The following ROBO3 variants were observed in gnomAD, a reference collection of about 807,000 sequenced individuals.
ROBO3 encodes roundabout homolog 3.
ROBO3 carries 97 observed loss-of-function variants against 160.5 expected under a neutral mutation model. The observed-to-expected ratio is 0.60, with a 90% CI of 0.51 to 0.72. The LOEUF is 0.72. Among genes scored for constraint, ROBO3 ranks in the 30% least tolerant of loss-of-function variants. ROBO3 has a pLI of 0.00. For synonymous variants in ROBO3, 780 were observed against 746.2 expected (o/e 1.05, Z -0.74); for missense variants, 1,858 against 1,846.5 (o/e 1.01, Z -0.11).
chr11:124,869,464 T>C lies in ROBO3; in HGVS notation c.502T>C (p.Phe168Leu). ...SLEVAVLRDDFRQSPGNVVVA... is the reference protein window; with the variant it reads ...SLEVAVLRDDLRQSPGNVVVA... ...GCCCCGCCCAGTCCTCCGTGATGAT[T>C]TCCGGCAGTCTCCTGGAAACGTGGT... Residue 168 changes from phenylalanine to leucine, a missense_variant, in exon 3 of 28, where the codon TTC becomes CTC. By Grantham distance (22) the Phe-to-Leu change is conservative (BLOSUM62 0). Transcript: ENST00000397801. The surrounding 1 kb of genome is among the most constrained non-coding windows in gnomAD (Gnocchi z 4.2). The C allele has an allele frequency of 4.0e-6, 6 of 1,499,792 alleles. No individual in the cohort carries two copies. Among genetic ancestry groups the C allele is most frequent in the Non-Finnish European group, 4.5e-6 (5 of 1,107,812 alleles). The allele number at this position is 1,499,792 out of a possible 1,614,324, so 92.9% of individuals were successfully genotyped here. A position where few individuals can be genotyped will look rare whatever the true frequency, so the allele number is the denominator to read the frequency against.
Position 124,878,118 on chromosome 11 carries a change from C to T in ROBO3, c.3168C>T (p.Ser1056=). ...GCCAGTACGCTCCTCCAGAGTGGAG[C>T]CAGGGGGACAGTGGTATGACTCCAA... The part of the protein sequence containing the change: ...PWSQYAPPEW[S]QGDSGAKGGK... The change falls in exon 21 of 28, where the codon AGC becomes AGT. Residue 1056 remains serine, a synonymous_variant. Transcript: ENST00000397801. This position sits in a 1 kb window ranked among gnomAD's most constrained non-coding sequence, Gnocchi z 4.3. 6.2e-7 allele frequency: 1 copy of T among 1,606,672 alleles called. No homozygotes were observed. Among genetic ancestry groups the T allele is most frequent in the South Asian group, 1.1e-5 (1 of 90,274 alleles).
chr11:124,876,386 G>T lies in ROBO3; in HGVS notation c.2705G>T (p.Gly902Val), dbSNP rs763076148. ...AFLAGSGAACGALLLGLCAAL... is the reference protein window; with the variant it reads ...AFLAGSGAACVALLLGLCAAL... Reference sequence around the variant, plus strand: ...CTCGCGGGCAGCGGCGCAGCCTGCGGGGCGCTGCTTCTCGGGCTCTGCGCC... The same window carrying T: ...CTCGCGGGCAGCGGCGCAGCCTGCGTGGCGCTGCTTCTCGGGCTCTGCGCC... The change falls in exon 17 of 28, where the codon GGG (glycine) becomes GTG (valine). Residue 902 changes from glycine to valine, a missense_variant. By Grantham distance (109) the Gly-to-Val change is moderately radical. Transcript: ENST00000397801. This position sits in a 1 kb window ranked among gnomAD's most constrained non-coding sequence, Gnocchi z 5.3. 1 of 1,450,010 alleles carries T rather than the reference G, an allele frequency of 6.9e-7. No homozygotes were observed. The highest frequency in any genetic ancestry group is 9.0e-7 in the Non-Finnish European group (1 of 1,108,422). The allele number at this position is 1,450,010 out of a possible 1,614,324, so 89.8% of individuals were successfully genotyped here.
At position 124,877,953 on chromosome 11, in the gene ROBO3, G is replaced by A. The variant is rs1946440642; in HGVS notation, c.3003G>A (p.Leu1001=). 2 of 1,606,388 alleles carry A rather than the reference G, an allele frequency of 1.2e-6. No individual in the cohort carries two copies. Among genetic ancestry groups the A allele is most frequent in the Non-Finnish European group, 1.7e-6 (2 of 1,175,968 alleles). Residue 1001 remains leucine, a synonymous_variant, in exon 21 of 28, where the codon CTG becomes CTA. Coordinates refer to ENST00000397801, the MANE Select transcript of ROBO3 (RefSeq NM_022370.4). ...DRYYNEAGIS[L]YLAQTARGTA... is the part of the protein sequence containing the mutation. ...TCTCTGCAGAAGCGGGAATCTCCCT[G>A]TATCTAGCTCAGACGGCCAGGGGCA...
intron 11 of ROBO3, 48 bp from the exon 12 acceptor site, chr11:124,874,022 T>G (rs377367601): frequency 6.2e-7 from 1 of 1,609,816 alleles, no homozygotes; most frequent in Non-Finnish European, 8.5e-7. Flanking sequence ...AGTAGGCAGG[T>G]TGGGAGTTCC....
chr11:124,881,052 T>TCAAA (rs568014870), intron 27 of ROBO3, among the ~76,000 whole-genome samples, 187 bp from the exon 28 acceptor site: 2 of 152,098 alleles, frequency 1.3e-5, no homozygotes, highest in Non-Finnish European at 1.5e-5. Context: ...AGACTCTGTC[T>TCAAA]CAAACAAACA....
intron 27 of ROBO3, 67 bp from the exon 28 acceptor site, chr11:124,881,172 G>A (rs1946573256): frequency 1.1e-5 from 16 of 1,521,320 alleles, no homozygotes; most frequent in Non-Finnish European, 1.4e-5. Flanking sequence ...GAAAGCCTGA[G>A]CCCTTCCTGG....
In ROBO3 at chr11:124,874,153, C is replaced by A. The variant is rs754835720; in HGVS notation, c.1868C>A (p.Thr623Asn). The A allele has an allele frequency of 9.3e-6, 15 of 1,613,952 alleles. No homozygotes were observed. In the Middle Eastern group the frequency reaches 8.2e-4, roughly 89 times the overall value. Residue 623 changes from threonine to asparagine, a missense_variant, in exon 12 of 28, where the codon ACC (threonine) becomes AAC (asparagine). Physicochemically the swap from Thr to Asn is moderately conservative, Grantham distance 65. Coordinates refer to ENST00000397801, the MANE Select transcript of ROBO3 (RefSeq NM_022370.4). ...THTVSGLQPN[T>N]IYLFLVRAVG... ...ACAGTCAGCGGTCTGCAGCCCAATA[C>A]CATCTACCTGTTTCTGGTTCGAGCA... is the stretch of plus-strand genomic sequence containing the variant.
Position 124,876,576 on chromosome 11 carries a change from C to G in ROBO3, c.2779+116C>G. On this transcript the variant is annotated intron_variant, in intron 17 of 27. Transcript: ENST00000397801. The surrounding 1 kb of genome is among the most constrained non-coding windows in gnomAD (Gnocchi z 5.3). ...CCGGGTCGGGAGAAAGGGGTCGCACCTGGAGTTCAGCCTCTTGGGTAGGGG... is the reference window on the plus strand; with the variant it reads ...CCGGGTCGGGAGAAAGGGGTCGCACGTGGAGTTCAGCCTCTTGGGTAGGGG... 1.1e-6 allele frequency: 1 copy of G among 887,400 alleles called. No homozygotes were observed. Among genetic ancestry groups the G allele is most frequent in the Non-Finnish European group, 1.5e-6 (1 of 646,310 alleles). The allele number at this position is 887,400 out of a possible 1,614,324, so 55.0% of individuals were successfully genotyped here.
At position 124,869,439 on chromosome 11, in the gene ROBO3, G is replaced by GC; in HGVS notation, c.488-7dup. 3.9e-6 allele frequency: 4 copies of GC among 1,035,084 alleles called. No individual in the cohort carries two copies. The highest frequency in any genetic ancestry group is 1.5e-5 in the South Asian group (1 of 65,598). 64.1% of individuals were successfully genotyped at this position (1,035,084 alleles called of 1,614,324 possible). The stretch of plus-strand genomic sequence containing the variant: ...CACCCTGCTTATTTCGCCCCCCACC[G>GC]CCCCGCCCAGTCCTCCGTGATGATT... On this transcript the variant is annotated splice_polypyrimidine_tract_variant and intron_variant, in intron 2 of 27. Transcript: ENST00000397801. This position sits in a 1 kb window ranked among gnomAD's most constrained non-coding sequence, Gnocchi z 4.2.
chr11:124,870,010 C>A lies in ROBO3; in HGVS notation c.708C>A (p.Cys236Ter). 6.2e-7 allele frequency: 1 copy of A among 1,613,944 alleles called. No homozygotes were observed. Among genetic ancestry groups the A allele is most frequent in the Non-Finnish European group, 8.5e-7 (1 of 1,179,862 alleles). ...AGAGCGATGCAGGCATGTATGTGTG[C>A]GTAGCCTCCAACATGGCGGGAGAAC... ...TLKSDAGMYV[C>*]VASNMAGERE... Residue 236 changes from cysteine to a stop codon, truncating the protein, a stop_gained, in exon 4 of 28, where the codon TGC becomes TGA. Coordinates refer to ENST00000397801, the MANE Select transcript of ROBO3 (RefSeq NM_022370.4). LOFTEE classifies it high-confidence loss of function.
rs1375207591 is a variant in ROBO3, at chr11:124,870,182, C to A, written c.784C>A (p.Arg262Ser). Residue 262 changes from arginine to serine, a missense_variant, in exon 5 of 28, where the codon CGC (arginine) becomes AGC (serine). Coordinates refer to ENST00000397801, the MANE Select transcript of ROBO3 (RefSeq NM_022370.4). ...CTCCATAGAGCGTCCCTCATTCCTG[C>A]GCAGACCAGTGAATCAGGTGGTCCT... ...VMVLERPSFL[R>S]RPVNQVVLAD... The A allele has an allele frequency of 6.2e-7, 1 of 1,614,040 alleles. No homozygotes were observed. The highest frequency in any genetic ancestry group is 1.1e-5 in the South Asian group (1 of 91,082).
rs781642087 is a variant in ROBO3 at position 124,879,948 on chromosome 11, G to A, written c.3958G>A (p.Glu1320Lys). 16 of 1,570,722 alleles carry A rather than the reference G, an allele frequency of 1.0e-5. No individual in the cohort carries two copies. In the African/African-American group the frequency reaches 1.5e-4, roughly 15 times the overall value. Residue 1320 changes from glutamate to lysine, a missense_variant and splice_region_variant, in exon 26 of 28, where the codon GAA (glutamate) becomes AAA (lysine). Transcript: ENST00000397801. ...LAAQRVLHPD[E>K]EAWLPYSRPS... ...AGCCCAGCGGGTGCTCCACCCAGAT[G>A]GTAAGCAGGGCCAGGGCAGGCAGGA...
chr11:124,870,886 C>T (rs780485338), intron 6 of ROBO3, 128 bp from the exon 7 acceptor site: 140 of 1,515,012 alleles, frequency 9.2e-5, no homozygotes, highest in Middle Eastern at 3.5e-4. Flanking sequence ...CTAAACAGGC[C>T]GGGAGGAAGA....
rs1946187083 is a variant in ROBO3, at chr11:124,865,688, G to A, written c.111G>A (p.Leu37=). The A allele has an allele frequency of 1.2e-6, 2 of 1,611,702 alleles. No individual in the cohort carries two copies. The highest frequency in any genetic ancestry group is 1.3e-5 in the African/African-American group (1 of 74,898). The change falls in exon 1 of 28, where the codon CTG becomes CTA. Residue 37 remains leucine, a synonymous_variant. Transcript: ENST00000397801. This position sits in a 1 kb window ranked among gnomAD's most constrained non-coding sequence, Gnocchi z 5.5. ...SELLLGFNSS[L]AALNHTLLPP... Reference sequence around the variant, plus strand: ...TGCTCTTGGGCTTCAACTCCTCGCTGGCGGCGCTCAACCACACCCTGCTGC... The same window carrying A: ...TGCTCTTGGGCTTCAACTCCTCGCTAGCGGCGCTCAACCACACCCTGCTGC...
At chr11:124,870,089 C>T (rs1340653473) in intron 4 of ROBO3, 21 bp downstream of exon 4, 1 of 1,613,934 alleles carries the variant, frequency 6.2e-7, no homozygotes, top group African/African-American at 1.3e-5. Flanking sequence ...GGAATTTTGA[C>T]ATTATGGGAA....
At position 124,880,603 on chromosome 11, in the gene ROBO3, CGA is replaced by C; in HGVS notation, c.4148_4149del (p.Glu1383GlyfsTer14). On this transcript the variant is annotated frameshift_variant, in exon 27 of 28. Coordinates refer to ENST00000397801, the MANE Select transcript of ROBO3 (RefSeq NM_022370.4). LOFTEE classifies it high-confidence loss of function. The part of the protein sequence containing the change: ...SQSQRPGQKR[R>X]EEPR ...GAGCCAAAGGCCAGGACAGAAACGCCGAGAGGTAGGGGCCATAGATTGCAGAA... is the reference window on the plus strand; with the variant it reads ...GAGCCAAAGGCCAGGACAGAAACGCCGAGGTAGGGGCCATAGATTGCAGAA... 1 of 1,543,356 alleles carries C rather than the reference CGA, an allele frequency of 6.5e-7. No homozygotes were observed. The highest frequency in any genetic ancestry group is 2.4e-5 in the East Asian group (1 of 40,876).
Position 124,876,538 on chromosome 11 carries a change from T to C in ROBO3, c.2779+78T>C. ...TGGGGAGGGGCAGGGGCTTAGCCGC[T>C]GGCGAGTGAGGACCGGGTCGGGAGA... On this transcript the variant is annotated intron_variant, in intron 17 of 27. Transcript: ENST00000397801. This position sits in a 1 kb window ranked among gnomAD's most constrained non-coding sequence, Gnocchi z 5.3. 1 of 1,224,354 alleles carries C rather than the reference T, an allele frequency of 8.2e-7. No homozygotes were observed. Among genetic ancestry groups the C allele is most frequent in the Non-Finnish European group, 1.1e-6 (1 of 949,348 alleles). The allele number at this position is 1,224,354 out of a possible 1,614,324, so 75.8% of individuals were successfully genotyped here.
chr11:124,877,215 A>G, intron 18 of ROBO3, 31 bp downstream of exon 18: 2 of 1,612,136 alleles, frequency 1.2e-6, no homozygotes, highest in South Asian at 1.1e-5. Flanking sequence ...TGGGGTTCAG[A>G]CCCCCCGGGA....
rs1374208076 is a variant in ROBO3, at chr11:124,869,647, G to A, written c.645+40G>A. The A allele has an allele frequency of 1.3e-6, 2 of 1,521,760 alleles. No homozygotes were observed. Among genetic ancestry groups the A allele is most frequent in the African/African-American group, 2.7e-5 (2 of 72,980 alleles). 94.3% of individuals were successfully genotyped at this position (1,521,760 alleles called of 1,614,324 possible). A position where few individuals can be genotyped will look rare whatever the true frequency, so the allele number is the denominator to read the frequency against. On this transcript the variant is annotated intron_variant, in intron 3 of 27. Coordinates refer to ENST00000397801, the MANE Select transcript of ROBO3 (RefSeq NM_022370.4). The surrounding 1 kb of genome is among the most constrained non-coding windows in gnomAD (Gnocchi z 4.2). ...ATGATTGGAGACCCCAACAAGGGAG[G>A]GGACATAGGGTAGGGAGGTGACAAG...
Sources: gnomAD v4.1 joint callset for allele counts (sites outside exome capture counted in the v4.1 genomes callset) on GRCh38, gnomAD v4.1.1 for gene constraint, Gnocchi (gnomAD v3.1) non-coding constraint, MANE v1.5 for transcripts, NCBI Gene and HGNC (gene_info 2026-07-23, HGNC 2026-07-21) for gene names.